The following ESS2 variants were observed in gnomAD, a reference collection of about 807,000 sequenced individuals.
The protein encoded by ESS2 is ess-2 spliceosome associated protein, also known as splicing factor ESS-2 homolog.
In ESS2, 31 loss-of-function variants were observed where a neutral mutation model predicts 52.0. The ratio of observed to expected loss-of-function variants is 0.60; its 90% CI spans 0.45 to 0.81. The LOEUF (loss-of-function observed/expected upper bound fraction) is 0.81, where lower values mean the gene tolerates loss of function less well. Ranked by LOEUF, ESS2 falls within the 30% of genes least tolerant of loss-of-function variation. The probability of loss-of-function intolerance (pLI) is 0.00; values close to 1 mark genes in which losing one functional copy is unlikely to be tolerated. For missense variants in ESS2, 602 were observed against 637.2 expected, an observed-to-expected ratio of 0.94 and a Z score of 0.59; for synonymous variants, 285 against 259.2, an observed-to-expected ratio of 1.10 and a Z score of -0.95.
chr22:19,134,454 G>A lies in ESS2; in HGVS notation c.1173C>T (p.Ser391=), dbSNP rs925196800. The change falls in exon 10 of 10, where the codon AGC becomes AGT. Residue 391 remains serine (S), a synonymous_variant. Coordinates refer to ENST00000252137, the MANE Select transcript of ESS2 (RefSeq NM_022719.3). ...NLASLTPKGL[S]PAMSPALQRL... ...GCTGTAGGGCTGGCGACATGGCTGG[G>A]CTCAGGCCTTTGGGGGTGAGGCTGG... 26 of 1,576,726 alleles carry A rather than the reference G, an allele frequency of 1.6e-5. No homozygotes were observed. Among genetic ancestry groups the A allele is most frequent in the Non-Finnish European group, 2.2e-5 (25 of 1,158,348 alleles).
At chr22:19,135,537 G>T (rs765819800) in intron 8 of ESS2, among the ~76,000 whole-genome samples, 34 of 152,326 alleles carry the variant, frequency 2.2e-4, no homozygotes, top group Non-Finnish European at 4.0e-4. Context: ...CTCTCAAGGG[G>T]CTCATTTTCC....
chr22:19,144,337 C>T, intron 1 of ESS2, 169 bp downstream of exon 1: 1 of 1,428,822 alleles, frequency 7.0e-7, no homozygotes, highest in Non-Finnish European at 9.2e-7. Flanking sequence ...GCCTCTTCCA[C>T]CACAGACGTC....
At chr22:19,143,003 A>C (rs557394735) in intron 1 of ESS2, 109 bp from the exon 2 acceptor site, 2 of 1,098,608 alleles carry the variant, frequency 1.8e-6, no homozygotes, top group Admixed American at 4.7e-5. Flanking sequence ...TCAGAAGTTC[A>C]AGACCAGCCT....
At position 19,132,050 on chromosome 22, in the gene ESS2, C is replaced by A; in HGVS notation, c.*2146G>T. 1 of 1,614,052 alleles carries A rather than the reference C, an allele frequency of 6.2e-7. No individual in the cohort carries two copies. Among genetic ancestry groups the A allele is most frequent in the Non-Finnish European group, 8.5e-7 (1 of 1,179,974 alleles). On this transcript the variant is annotated 3_prime_UTR_variant, in exon 10 of 10. Transcript: ENST00000252137. The surrounding 1 kb of genome is among the most constrained non-coding windows in gnomAD (Gnocchi z 4.2). The stretch of plus-strand genomic sequence containing the variant: ...TGGTCTGCGGCTCCATGCCCTATGA[C>A]GACTCCGACATCAGGAAGATGCTGC...
At position 19,135,098 on chromosome 22, in the gene ESS2, CT is replaced by C; in HGVS notation, c.1112del (p.Lys371SerfsTer8). ...NEAAAKNRAK[K>X]QEALRRVTEN... ...CCGTCACTCTCCGCAAGGCTTCCTG[CT>C]TCTTGGCCCGGTTCTTGGCAGCGGC... On this transcript the variant is annotated frameshift_variant, in exon 9 of 10. Coordinates refer to ENST00000252137, the MANE Select transcript of ESS2 (RefSeq NM_022719.3). LOFTEE classifies it high-confidence loss of function. 1 of 1,614,116 alleles carries C rather than the reference CT, an allele frequency of 6.2e-7. No individual in the cohort carries two copies. The highest frequency in any genetic ancestry group is 8.5e-7 in the Non-Finnish European group (1 of 1,180,002).
chr22:19,131,472 A>G lies in ESS2; in HGVS notation c.*2724T>C. On this transcript the variant is annotated 3_prime_UTR_variant, in exon 10 of 10. Transcript: ENST00000252137. This position sits in a 1 kb window ranked among gnomAD's most constrained non-coding sequence, Gnocchi z 5.7. ...CAATCTTGGCAAGGGTTCCTACGCA[A>G]AAGTCAAATCTGCCTACTCTGAGCG... 1 of 1,614,124 alleles carries G rather than the reference A, an allele frequency of 6.2e-7. No homozygotes were observed. Among genetic ancestry groups the G allele is most frequent in the East Asian group, 2.2e-5 (1 of 44,872 alleles).
At chr22:19,137,586 C>A (rs1346200762) in intron 7 of ESS2, among the ~76,000 whole-genome samples, 154 bp from the exon 8 acceptor site, 1 of 152,176 alleles carries the variant, frequency 6.6e-6, no homozygotes, top group Non-Finnish European at 1.5e-5. Context: ...ACCCTGGCAC[C>A]TCCATCCTCC....
Position 19,132,155 on chromosome 22 carries a change from G to A in ESS2, c.*2041C>T, listed in dbSNP as rs1266851235. On this transcript the variant is annotated 3_prime_UTR_variant, in exon 10 of 10. Coordinates refer to ENST00000252137, the MANE Select transcript of ESS2 (RefSeq NM_022719.3). The surrounding 1 kb of genome is among the most constrained non-coding windows in gnomAD (Gnocchi z 4.2). ...AGTGCAAGGACCTCATCTACCGCAT[G>A]CTGCAGCCCGACGTCAGCCAGCGGC... 1.2e-6 allele frequency: 2 copies of A among 1,613,182 alleles called. No individual in the cohort carries two copies. The highest frequency in any genetic ancestry group is 1.7e-5 in the Admixed American group (1 of 59,996).
rs776739459 is a variant in ESS2 at position 19,139,173 on chromosome 22, C to T, written c.808G>A (p.Ala270Thr). The part of the protein sequence containing the change: ...LSRCQLQQAA[A>T]LNAQHKQGKV... Reference sequence around the variant, plus strand: ...CGCCTGCTCACCTGGGCATTGAGGGCGGCTGCCTGCTGGAGCTGGCACCTG... The same window carrying T: ...CGCCTGCTCACCTGGGCATTGAGGGTGGCTGCCTGCTGGAGCTGGCACCTG... Residue 270 changes from alanine (A) to threonine (T), a missense_variant, in exon 6 of 10, where the codon GCC (alanine) becomes ACC (threonine). By Grantham distance (58) the Ala-to-Thr change is moderately conservative. Transcript: ENST00000252137. The T allele has an allele frequency of 1.1e-5, 18 of 1,598,264 alleles. No homozygotes were observed. The highest frequency in any genetic ancestry group is 3.5e-5 in the Admixed American group (2 of 57,966).
Position 19,132,122 on chromosome 22 carries a change from G to A in ESS2, c.*2074C>T. The A allele has an allele frequency of 1.2e-6, 2 of 1,612,772 alleles. No homozygotes were observed. The highest frequency in any genetic ancestry group is 8.5e-7 in the Non-Finnish European group (1 of 1,178,866). On this transcript the variant is annotated 3_prime_UTR_variant, in exon 10 of 10. Coordinates refer to ENST00000252137, the MANE Select transcript of ESS2 (RefSeq NM_022719.3). The surrounding 1 kb of genome is among the most constrained non-coding windows in gnomAD (Gnocchi z 4.2). The stretch of plus-strand genomic sequence containing the variant: ...TGGACTTCCCGCGCTCCAAGAACCT[G>A]ACCTGCGAGTGCAAGGACCTCATCT...
intron 3 of ESS2, among the ~76,000 whole-genome samples, chr22:19,140,590 A>G (rs1243906927): frequency 6.6e-6 from 1 of 151,744 alleles, no homozygotes; most frequent in Non-Finnish European, 1.5e-5. Context: ...CCACAACCCC[A>G]AACACCCCCC....
Position 19,132,455 on chromosome 22 carries a change from G to A in ESS2, c.*1741C>T, listed in dbSNP as rs151015327. ...AAGACCATCACATCTCCGGAGCTGA[G>A]GTGGGGAAAGCAAGCACCTAGCATG... On this transcript the variant is annotated 3_prime_UTR_variant, in exon 10 of 10. Transcript: ENST00000252137. This position sits in a 1 kb window ranked among gnomAD's most constrained non-coding sequence, Gnocchi z 4.2. The A allele has an allele frequency of 1.6e-4, 259 of 1,610,744 alleles. 1 individual carries two copies. The highest frequency in any genetic ancestry group is 1.2e-3 in the African/African-American group (88 of 74,996).
chr22:19,139,041 C>T (rs2083635544), intron 6 of ESS2, 118 bp downstream of exon 6: 2 of 1,363,002 alleles, frequency 1.5e-6, no homozygotes, highest in African/African-American at 1.5e-5. Context: ...CGCACAGGGC[C>T]CCAGATGGTT....
At position 19,142,556 on chromosome 22, in the gene ESS2, C is replaced by T. The variant is rs778186461; in HGVS notation, c.382G>A (p.Gly128Ser). Residue 128 changes from glycine to serine, a missense_variant, in exon 3 of 10, where the codon GGC (glycine) becomes AGC (serine). Coordinates refer to ENST00000252137, the MANE Select transcript of ESS2 (RefSeq NM_022719.3). ...CACTCACCATCCTCCAGGCCTCGGCCGCGGGGCCTGGGCTTGTTGCCCACC... is the reference window on the plus strand; with the variant it reads ...CACTCACCATCCTCCAGGCCTCGGCTGCGGGGCCTGGGCTTGTTGCCCACC... ...GVVGNKPRPR[G>S]RGLEDGEAGE... The T allele has an allele frequency of 1.4e-5, 22 of 1,609,530 alleles. No individual in the cohort carries two copies. The highest frequency in any genetic ancestry group is 1.7e-5 in the Admixed American group (1 of 58,808).
rs1045868375 is a variant in ESS2 at position 19,142,638 on chromosome 22, G to A, written c.305-5C>T. On this transcript the variant is annotated splice_polypyrimidine_tract_variant and splice_region_variant and intron_variant, in intron 2 of 9. Transcript: ENST00000252137. Reference sequence around the variant, plus strand: ...CAAATGTGGCTGGAGTCACATCTAGGGGAAGAGAGGGGGATAAGAATTAGA... The same window carrying A: ...CAAATGTGGCTGGAGTCACATCTAGAGGAAGAGAGGGGGATAAGAATTAGA... The A allele has an allele frequency of 5.0e-6, 8 of 1,611,952 alleles. No individual in the cohort carries two copies.
intron 1 of ESS2, 134 bp downstream of exon 1, chr22:19,144,372 C>A: frequency 6.6e-7 from 1 of 1,522,184 alleles, no homozygotes; most frequent in South Asian, 1.3e-5. Context: ...TTACTTGACT[C>A]GTGGGACCGT....
In ESS2 at chr22:19,131,893, G is replaced by A. The variant is rs1473656926; in HGVS notation, c.*2303C>T. On this transcript the variant is annotated 3_prime_UTR_variant, in exon 10 of 10. Coordinates refer to ENST00000252137, the MANE Select transcript of ESS2 (RefSeq NM_022719.3). The surrounding 1 kb of genome is among the most constrained non-coding windows in gnomAD (Gnocchi z 5.7). ...TTCTCCAAGCGCTGCCTGCGGGACAGCAATGGGCGCATCATCCTCAGCAAG... is the reference window on the plus strand; with the variant it reads ...TTCTCCAAGCGCTGCCTGCGGGACAACAATGGGCGCATCATCCTCAGCAAG... 3.7e-6 allele frequency: 6 copies of A among 1,614,038 alleles called. No individual in the cohort carries two copies. The African/African-American group carries it at 8.0e-5, about 22-fold the overall frequency.
At position 19,131,650 on chromosome 22, in the gene ESS2, G is replaced by A. The variant is rs572162003; in HGVS notation, c.*2546C>T. On this transcript the variant is annotated 3_prime_UTR_variant, in exon 10 of 10. Transcript: ENST00000252137. The surrounding 1 kb of genome is among the most constrained non-coding windows in gnomAD (Gnocchi z 5.7). ...TACGAGATCTTTGAGACCTCTGACG[G>A]ACGGATCTACATCATCATGGAGCTT... 9.9e-6 allele frequency: 16 copies of A among 1,614,058 alleles called. No individual in the cohort carries two copies. Among genetic ancestry groups the A allele is most frequent in the African/African-American group, 1.3e-5 (1 of 74,992 alleles).
chr22:19,143,066 G>T (rs1282478138), intron 1 of ESS2, among the ~76,000 whole-genome samples, 172 bp from the exon 2 acceptor site: 2 of 152,000 alleles, frequency 1.3e-5, no homozygotes, highest in Non-Finnish European at 2.9e-5. Context: ...TTAGCCGGGC[G>T]TGGTGGCAGG....
Sources: allele counts gnomAD v4.1 joint callset (sites outside exome capture counted in the v4.1 genomes callset), GRCh38; gene constraint gnomAD v4.1.1; non-coding constraint Gnocchi (gnomAD v3.1); transcripts MANE v1.5; gene names NCBI Gene and HGNC (gene_info 2026-07-23, HGNC 2026-07-21).